PCDHGB6: variants seen among roughly 807,000 people sequenced by gnomAD.
PCDHGB6 encodes the protein protocadherin gamma-B6.
A neutral mutation model predicts 59.1 loss-of-function variants in PCDHGB6; 51 were observed. The ratio of observed to expected loss-of-function variants is 0.86; its 90% CI spans 0.69 to 1.09. The LOEUF (loss-of-function observed/expected upper bound fraction) is 1.09. Among genes scored for constraint, PCDHGB6 ranks in the 50% least tolerant of loss-of-function variants. The pLI is 0.00. For synonymous variants in PCDHGB6, 466 were observed against 495.1 expected, an observed-to-expected ratio of 0.94 and a Z score of 0.78; for missense variants, 1,148 against 1,205.1, an observed-to-expected ratio of 0.95 and a Z score of 0.70.
intron 1 of PCDHGB6, chr5:141,424,475 T>C (rs1399874639): frequency 2.6e-5 from 4 of 152,234 alleles, no homozygotes; most frequent in Admixed American, 2.0e-4. Context: ...ATTCTTTTAC[T>C]TTGGTGTCTG....
Position 141,491,743 on chromosome 5 carries a change from A to G in PCDHGB6, c.2419-3064A>G, listed in dbSNP as rs752434173. ...GCCCCGGGCGACCCCTGGGGGCGGC[A>G]CTGGAGAAGCCGCCCGTCCTCATAA... On this transcript the variant is annotated intron_variant, in intron 1 of 3. Transcript: ENST00000520790. The surrounding 1 kb of genome is among the most constrained non-coding windows in gnomAD (Gnocchi z 6.9). 5.0e-6 allele frequency: 8 copies of G among 1,595,570 alleles called. No individual in the cohort carries two copies. In the Admixed American group the frequency reaches 1.4e-4, roughly 28 times the overall value.
chr5:141,468,847 C>T (rs2099182933), intron 1 of PCDHGB6, among the ~76,000 whole-genome samples: 1 of 151,986 alleles, frequency 6.6e-6, no homozygotes, highest in African/African-American at 2.4e-5. Flanking sequence ...GCCTGGGCAA[C>T]AGAGCGAGAC....
At position 141,418,023 on chromosome 5, in the gene PCDHGB6, G is replaced by A. The variant is rs375588252; in HGVS notation, c.2418+7403G>A. 244 of 1,613,996 alleles carry A rather than the reference G, an allele frequency of 1.5e-4. No individual in the cohort carries two copies. The Middle Eastern group carries it at 3.5e-3, about 23-fold the overall frequency. On this transcript the variant is annotated intron_variant, in intron 1 of 3. Coordinates refer to ENST00000520790, the MANE Select transcript of PCDHGB6 (RefSeq NM_018926.3). ...GTGGGGAACCTCGCTAAGGATCTAGGGCTTAGTGTCCTGGATGTGTCGGCT... is the reference window on the plus strand; with the variant it reads ...GTGGGGAACCTCGCTAAGGATCTAGAGCTTAGTGTCCTGGATGTGTCGGCT...
At chr5:141,413,858 G>A (rs751172785) in intron 1 of PCDHGB6, 28 of 1,613,140 alleles carry the variant, frequency 1.7e-5, no homozygotes, top group African/African-American at 4.0e-5. Context: ...CTCCGATCTG[G>A]CACTGTCCTT....
intron 2 of PCDHGB6, among the ~76,000 whole-genome samples, chr5:141,500,329 C>G (rs1384834356): frequency 6.6e-6 from 1 of 151,986 alleles, no homozygotes; most frequent in Non-Finnish European, 1.5e-5. Flanking sequence ...CTGCCTCAGC[C>G]TCCAGAATAG....
At position 141,505,413 on chromosome 5, in the gene PCDHGB6, C is replaced by A; in HGVS notation, c.2498C>A (p.Thr833Asn). ...CCCAGCTCCCAAAATGGCGATGACACCGGCACCTGGCCCAACAACCAGTTT... is the reference window on the plus strand; with the variant it reads ...CCCAGCTCCCAAAATGGCGATGACAACGGCACCTGGCCCAACAACCAGTTT... ...GTSGSQNGDD[T>N]GTWPNNQFDT... Residue 833 changes from threonine to asparagine, a missense_variant, in exon 3 of 4, where the codon ACC becomes AAC. Physicochemically the swap from Thr to Asn is moderately conservative, Grantham distance 65 (BLOSUM62 0). Coordinates refer to ENST00000520790, the MANE Select transcript of PCDHGB6 (RefSeq NM_018926.3). 1 of 1,614,202 alleles carries A rather than the reference C, an allele frequency of 6.2e-7. No homozygotes were observed. Among genetic ancestry groups the A allele is most frequent in the Non-Finnish European group, 8.5e-7 (1 of 1,180,046 alleles).
At chr5:141,450,932 C>G (rs868373954) in intron 1 of PCDHGB6, among the ~76,000 whole-genome samples, 1 of 151,134 alleles carries the variant, frequency 6.6e-6, no homozygotes, top group Admixed American at 6.6e-5. Context: ...TCAAGCAATT[C>G]TCCTACCTCA....
At chr5:141,510,818 A>C in intron 3 of PCDHGB6, 129 bp from the exon 4 acceptor site, 1 of 1,551,540 alleles carries the variant, frequency 6.4e-7, no homozygotes, top group Non-Finnish European at 8.7e-7. Context: ...TGACCCCTAT[A>C]TTCCCAGTGC....
rs777247531 is a variant in PCDHGB6 at position 141,476,417 on chromosome 5, C to T, written c.2419-18390C>T. 3 of 1,614,112 alleles carry T rather than the reference C, an allele frequency of 1.9e-6. No homozygotes were observed. Among genetic ancestry groups the T allele is most frequent in the Admixed American group, 1.7e-5 (1 of 60,018 alleles). The stretch of plus-strand genomic sequence containing the variant: ...GGATCGAGAGGAGCTGTGTGGGACA[C>T]TGCCCTCTTGCACTGTAACTCTGGA... On this transcript the variant is annotated intron_variant, in intron 1 of 3. Coordinates refer to ENST00000520790, the MANE Select transcript of PCDHGB6 (RefSeq NM_018926.3). The surrounding 1 kb of genome is among the most constrained non-coding windows in gnomAD (Gnocchi z 7.6).
chr5:141,410,351 C>G lies in PCDHGB6; in HGVS notation c.2149C>G (p.Arg717Gly). ...TCTGGCCATTGCCTTGCGCCTGCGA[C>G]GCTCTCTCAGCCCTGCTACTTGGGA... The part of the protein sequence containing the change: ...VILAIALRLR[R>G]SLSPATWDCF... The change falls in exon 1 of 4, where the codon CGC (arginine) becomes GGC (glycine). Residue 717 changes from arginine (R) to glycine (G), a missense_variant. This residue lies in a region of PCDHGB6 where 283 missense variants were observed against 318.6 expected (regional missense o/e 0.89). Coordinates refer to ENST00000520790, the MANE Select transcript of PCDHGB6 (RefSeq NM_018926.3). 1 of 1,614,066 alleles carries G rather than the reference C, an allele frequency of 6.2e-7. No individual in the cohort carries two copies.
chr5:141,430,984 C>G (rs765063685), intron 1 of PCDHGB6: 2 of 1,613,530 alleles, frequency 1.2e-6, no homozygotes, highest in Non-Finnish European at 1.7e-6. Flanking sequence ...CGCAGCTTTT[C>G]GCCCTGAATC....
chr5:141,415,269 G>T, intron 1 of PCDHGB6: 1 of 1,614,228 alleles, frequency 6.2e-7, no homozygotes, highest in African/African-American at 1.3e-5. Flanking sequence ...TGTACCTGGT[G>T]GTAGCGGTGG....
At chr5:141,413,597 A>C in intron 1 of PCDHGB6, 2 of 1,613,888 alleles carry the variant, frequency 1.2e-6, no homozygotes, top group Non-Finnish European at 8.5e-7. Context: ...CAAGCAGAAA[A>C]TCTAGACGTA....
In PCDHGB6 at chr5:141,414,101, A is replaced by G. The variant is rs759223225; in HGVS notation, c.2418+3481A>G. On this transcript the variant is annotated intron_variant, in intron 1 of 3. Transcript: ENST00000520790. ...TATACTGGAGAAATAAAAATATCAG[A>G]AAATCTAGATTATGAAGAAACCGGT... 1.9e-6 allele frequency: 3 copies of G among 1,593,930 alleles called. No individual in the cohort carries two copies. The African/African-American group carries it at 4.0e-5, about 21-fold the overall frequency.
At chr5:141,503,284 G>C (rs899456087) in intron 2 of PCDHGB6, among the ~76,000 whole-genome samples, 2 of 152,044 alleles carry the variant, frequency 1.3e-5, no homozygotes, top group African/African-American at 4.8e-5. Flanking sequence ...TCTGTGTCTG[G>C]TACATAGAAA....
chr5:141,492,829 C>T (rs2099744241), intron 1 of PCDHGB6, among the ~76,000 whole-genome samples: 1 of 152,232 alleles, frequency 6.6e-6, no homozygotes, highest in Non-Finnish European at 1.5e-5. Context: ...CGGCCCCTTC[C>T]TCCCGCAGGA....
intron 1 of PCDHGB6, chr5:141,478,331 G>C: frequency 6.2e-7 from 1 of 1,613,956 alleles, no homozygotes; most frequent in Non-Finnish European, 8.5e-7. Context: ...CCGAACACCA[G>C]GGCCCTCCTT....
chr5:141,511,304 CTTGGGAAA>C lies in PCDHGB6; in HGVS notation c.*132_*139del. ...TGGTAGGGGCCAAGGCCATGCTCCC[CTTGGGAAA>C]CAGAAACAAGTGCCCAGTCAGCACC... is the stretch of plus-strand genomic sequence containing the variant. On this transcript the variant is annotated 3_prime_UTR_variant, in exon 4 of 4. Transcript: ENST00000520790. The C allele has an allele frequency of 2.0e-6, 3 of 1,490,438 alleles. No individual in the cohort carries two copies. The South Asian group carries it at 4.0e-5, about 20-fold the overall frequency. 92.3% of individuals were successfully genotyped at this position (1,490,438 alleles called of 1,614,324 possible). A position where few individuals can be genotyped will look rare whatever the true frequency, so the allele number is the denominator to read the frequency against.
At chr5:141,419,724 G>T in intron 1 of PCDHGB6, 1 of 1,613,488 alleles carries the variant, frequency 6.2e-7, no homozygotes, top group Non-Finnish European at 8.5e-7. Flanking sequence ...CTGGGGCTGC[G>T]AACAGGCGAG....
Sources: gnomAD v4.1 joint callset for allele counts (sites outside exome capture counted in the v4.1 genomes callset) on GRCh38, gnomAD v4.1.1 for gene constraint, gnomAD v4.1.1 regional missense constraint, Gnocchi (gnomAD v3.1) non-coding constraint, MANE v1.5 for transcripts, NCBI Gene and HGNC (gene_info 2026-07-23, HGNC 2026-07-21) for gene names.